Variants in MATN2 observed in about 807,000 individuals in gnomAD.
MATN2 encodes matrilin 2.
MATN2 carries 69 observed loss-of-function variants against 103.2 expected under a neutral mutation model. The ratio of observed to expected loss-of-function variants is 0.67; its 90% confidence interval spans 0.55 to 0.82. The LOEUF is 0.82. Among genes scored for constraint, MATN2 ranks in the 40% least tolerant of loss-of-function variants. The probability of loss-of-function intolerance (pLI) is 0.00; values close to 1 mark genes in which losing one functional copy is unlikely to be tolerated. For missense variants in MATN2, 1,023 were observed against 1,211.5 expected (o/e 0.84, Z 2.31); for synonymous variants, 429 against 450.2 (o/e 0.95, Z 0.60).
chr8:97,913,387 T>C (rs1353963097), intron 2 of MATN2, among the ~76,000 whole-genome samples: 3 of 151,242 alleles, frequency 2.0e-5, no homozygotes, highest in East Asian at 3.9e-4. Flanking sequence ...CGATCTTGGC[T>C]CACTGCAGCC....
intron 2 of MATN2, among the ~76,000 whole-genome samples, chr8:97,926,244 G>C (rs1390610911): frequency 6.6e-6 from 1 of 152,096 alleles, no homozygotes; most frequent in Non-Finnish European, 1.5e-5. Context: ...TGTCATGAGA[G>C]GCCAGAAGGA....
intron 6 of MATN2, among the ~76,000 whole-genome samples, chr8:97,987,741 G>A (rs1380911073): frequency 6.6e-6 from 1 of 152,056 alleles, no homozygotes; most frequent in Non-Finnish European, 1.5e-5. Context: ...TAAATGCTCA[G>A]AGAATATTTA....
chr8:97,877,216 G>A (rs1818107461), intron 1 of MATN2, among the ~76,000 whole-genome samples: 1 of 151,974 alleles, frequency 6.6e-6, no homozygotes, highest in Non-Finnish European at 1.5e-5. Context: ...AGTGGCTTAT[G>A]CCCATAATCC....
In MATN2 at chr8:98,007,346, G is replaced by C; in HGVS notation, c.1450+119G>C. The C allele has an allele frequency of 6.4e-7, 1 of 1,557,602 alleles. No homozygotes were observed. The highest frequency in any genetic ancestry group is 8.8e-7 in the Non-Finnish European group (1 of 1,141,470). ...CTCCCCTGCCCCTTGCTCTGCTCCA[G>C]GAGATAGTGAGGATGTCCACTGGGA... On this transcript the variant is annotated intron_variant, in intron 9 of 18. Coordinates refer to ENST00000254898, the MANE Select transcript of MATN2 (RefSeq NM_002380.5). The surrounding 1 kb of genome is among the most constrained non-coding windows in gnomAD (Gnocchi z 4.2).
chr8:97,972,951 C>T (rs1247396135), intron 5 of MATN2, among the ~76,000 whole-genome samples: 1 of 152,212 alleles, frequency 6.6e-6, no homozygotes, highest in Non-Finnish European at 1.5e-5. Flanking sequence ...AAGAGGTCAC[C>T]TCCATACATC....
intron 14 of MATN2, 136 bp from the exon 15 acceptor site, chr8:98,030,326 T>C: frequency 1.5e-6 from 1 of 657,502 alleles, no homozygotes; most frequent in Non-Finnish European, 2.6e-6. Flanking sequence ...GGTAGAAAAA[T>C]AAAAAGGAAG....
intron 2 of MATN2, among the ~76,000 whole-genome samples, chr8:97,889,807 C>G (rs188155090): frequency 6.6e-4 from 101 of 152,072 alleles, no homozygotes; most frequent in Non-Finnish European, 1.1e-3. Context: ...GGGCTGGTCT[C>G]AGGAAAAGCC....
intron 1 of MATN2, among the ~76,000 whole-genome samples, chr8:97,879,261 T>A (rs1383336132): frequency 6.6e-6 from 1 of 152,144 alleles, no homozygotes; most frequent in African/African-American, 2.4e-5. Flanking sequence ...TGTAGAAATT[T>A]CAGGGTGAGG....
chr8:97,941,765 C>A lies in MATN2; in HGVS notation c.713-12C>A. 6.3e-7 allele frequency: 1 copy of A among 1,574,808 alleles called. No homozygotes were observed. The highest frequency in any genetic ancestry group is 1.2e-5 in the South Asian group (1 of 86,066). On this transcript the variant is annotated splice_polypyrimidine_tract_variant and intron_variant, in intron 3 of 18. Transcript: ENST00000254898. ...TCACTGTTGACTTACCTTCCTGTGT[C>A]TTCCCTTTCAGCGGCCCATATGTGC... is the stretch of plus-strand genomic sequence containing the variant.
intron 2 of MATN2, among the ~76,000 whole-genome samples, chr8:97,909,297 C>G (rs1819281866): frequency 6.6e-6 from 1 of 152,256 alleles, no homozygotes; most frequent in Admixed American, 6.5e-5. Flanking sequence ...TCATATGAGT[C>G]AGTCTGCTCT....
intron 2 of MATN2, among the ~76,000 whole-genome samples, chr8:97,907,641 G>A (rs1819224275): frequency 6.6e-6 from 1 of 152,078 alleles, no homozygotes; most frequent in African/African-American, 2.4e-5. Context: ...CTTTTAATGA[G>A]TTTTAATTCT....
intron 5 of MATN2, among the ~76,000 whole-genome samples, chr8:97,977,721 G>C (rs1268646465): frequency 1.3e-5 from 2 of 152,018 alleles, no homozygotes; most frequent in East Asian, 1.9e-4. Flanking sequence ...GGTCCCTCCT[G>C]ACTGCCCCCT....
intron 7 of MATN2, among the ~76,000 whole-genome samples, chr8:98,002,063 C>G (rs556518703): frequency 1.8e-4 from 28 of 152,226 alleles, no homozygotes; most frequent in Admixed American, 1.8e-3. Flanking sequence ...TGACCTTTTC[C>G]CGCAACACCA....
At chr8:97,909,838 C>T (rs1011033220) in intron 2 of MATN2, among the ~76,000 whole-genome samples, 11 of 151,322 alleles carry the variant, frequency 7.3e-5, no homozygotes, top group African/African-American at 2.4e-4. Flanking sequence ...GGCTGGAGTA[C>T]AGTGGCGTGA....
At chr8:97,927,672 C>A (rs1168845409) in intron 2 of MATN2, among the ~76,000 whole-genome samples, 2 of 152,186 alleles carry the variant, frequency 1.3e-5, no homozygotes, top group East Asian at 3.9e-4. Context: ...GAACCTCCAA[C>A]AACATTTTGA....
intron 8 of MATN2, among the ~76,000 whole-genome samples, chr8:98,006,414 T>C (rs1812972716): frequency 6.6e-6 from 1 of 152,204 alleles, no homozygotes; most frequent in East Asian, 1.9e-4. Context: ...AATCAACCCC[T>C]CTTATTCTCA....
At chr8:97,874,406 C>CTT (rs1554596747) in intron 1 of MATN2, among the ~76,000 whole-genome samples, 1 of 136,102 alleles carries the variant, frequency 7.3e-6, no homozygotes, top group African/African-American at 2.7e-5. Flanking sequence ...TCTTCTTCTT[C>CTT]TTTTTTTTTT....
intron 2 of MATN2, among the ~76,000 whole-genome samples, chr8:97,919,192 G>T (rs1698520832): frequency 6.6e-6 from 1 of 152,130 alleles, no homozygotes; most frequent in South Asian, 2.1e-4. Flanking sequence ...CAAATTTGTT[G>T]TGCTTAAGAA....
At chr8:97,976,948 T>C (rs1226839954) in intron 5 of MATN2, among the ~76,000 whole-genome samples, 1 of 151,996 alleles carries the variant, frequency 6.6e-6, no homozygotes, top group Non-Finnish European at 1.5e-5. Flanking sequence ...ATTTGACCTC[T>C]GTGGCCAGGC....
Sources: gnomAD v4.1 joint callset for allele counts (sites outside exome capture counted in the v4.1 genomes callset) on GRCh38, gnomAD v4.1.1 for gene constraint, Gnocchi (gnomAD v3.1) non-coding constraint, MANE v1.5 for transcripts, NCBI Gene and HGNC (gene_info 2026-07-23, HGNC 2026-07-21) for gene names.